KCNH7: variants seen among roughly 807,000 people sequenced by gnomAD.
KCNH7 encodes potassium voltage-gated channel subfamily H member 7.
KCNH7 carries 49 observed loss-of-function variants against 120.8 expected under a neutral mutation model. That is an observed-to-expected ratio of 0.41 (90% CI 0.32 to 0.51). The LOEUF (loss-of-function observed/expected upper bound fraction) is 0.51, where lower values mean the gene tolerates loss of function less well. KCNH7 is among the 20% of genes least tolerant of loss of function. The probability of loss-of-function intolerance (pLI) is 0.38; values close to 1 mark genes in which losing one functional copy is unlikely to be tolerated. For synonymous variants in KCNH7, 547 were observed against 516.1 expected, an observed-to-expected ratio of 1.06 and a Z score of -0.81; for missense variants, 1,097 against 1,446.6, an observed-to-expected ratio of 0.76 and a Z score of 3.92.
chr2:162,495,015 T>C (rs1690449563), intron 6 of KCNH7, among the ~76,000 whole-genome samples: 1 of 152,232 alleles, frequency 6.6e-6, no homozygotes, highest in South Asian at 2.1e-4. Flanking sequence ...GCTATACTCC[T>C]GTGAACAAAA....
intron 6 of KCNH7, among the ~76,000 whole-genome samples, chr2:162,498,956 T>A (rs947538727): frequency 2.0e-5 from 3 of 152,098 alleles, no homozygotes; most frequent in African/African-American, 7.2e-5. Context: ...CTTTCATTTT[T>A]TTGCTTAAAG....
intron 4 of KCNH7, among the ~76,000 whole-genome samples, chr2:162,516,130 A>T (rs1296128270): frequency 6.6e-6 from 1 of 151,914 alleles, no homozygotes; most frequent in East Asian, 2.0e-4. Context: ...GAAGTAGACA[A>T]TTGTGCTAGA....
chr2:162,378,494 T>C (rs1686292945), intron 14 of KCNH7, among the ~76,000 whole-genome samples: 1 of 152,200 alleles, frequency 6.6e-6, no homozygotes, highest in African/African-American at 2.4e-5. Context: ...TAGTTTGTGA[T>C]ATAGGCAAAA....
chr2:162,724,596 C>T (rs1363239075), intron 2 of KCNH7, among the ~76,000 whole-genome samples: 2 of 147,894 alleles, frequency 1.4e-5, no homozygotes, highest in Non-Finnish European at 1.5e-5. Flanking sequence ...GGCGTGAACC[C>T]GGGAGGCGGA....
rs558731574 is a variant in KCNH7, at chr2:162,782,787, C to A, written c.307+53750G>T. The stretch of plus-strand genomic sequence containing the variant: ...GCTGAAGCATCCTCACCAAGGCCAT[C>A]CATGGAACAGGCATCAATAGCCTGT... On this transcript the variant is annotated intron_variant, in intron 2 of 15. Transcript: ENST00000332142. Among the ~76,000 whole-genome samples, 6 of 152,278 alleles carry A rather than the reference C, an allele frequency of 3.9e-5. No homozygotes were observed. The South Asian group carries it at 1.0e-3, about 26-fold the overall frequency.
chr2:162,792,116 G>A (rs1683967782), intron 2 of KCNH7, among the ~76,000 whole-genome samples: 1 of 152,066 alleles, frequency 6.6e-6, no homozygotes, highest in Non-Finnish European at 1.5e-5. Flanking sequence ...AACCAAACTT[G>A]CATCCCAGGG....
chr2:162,615,177 G>A (rs537360661), intron 2 of KCNH7, among the ~76,000 whole-genome samples: 2 of 152,188 alleles, frequency 1.3e-5, no homozygotes, highest in African/African-American at 2.4e-5. Context: ...ACCTCTGCAC[G>A]AAGTGTTTTC....
intron 2 of KCNH7, among the ~76,000 whole-genome samples, chr2:162,644,042 C>A (rs1439135330): frequency 6.6e-6 from 1 of 151,968 alleles, no homozygotes; most frequent in Non-Finnish European, 1.5e-5. Flanking sequence ...TCTTAACTAT[C>A]TTTTCTGTGG....
intron 7 of KCNH7, among the ~76,000 whole-genome samples, chr2:162,438,300 T>C (rs1688316198): frequency 6.6e-6 from 1 of 152,166 alleles, no homozygotes; most frequent in Non-Finnish European, 1.5e-5. Context: ...GCAACCTTCC[T>C]TTTTGCCTTC....
intron 5 of KCNH7, among the ~76,000 whole-genome samples, chr2:162,508,927 T>C (rs1690974763): frequency 1.3e-5 from 2 of 151,452 alleles, no homozygotes; most frequent in Admixed American, 6.6e-5. Flanking sequence ...TAGAAAGTCA[T>C]GTAAAACGCA....
At chr2:162,563,933 C>A (rs1472529311) in intron 2 of KCNH7, among the ~76,000 whole-genome samples, 2 of 152,126 alleles carry the variant, frequency 1.3e-5, no homozygotes, top group East Asian at 3.9e-4. Context: ...CAATAAAACT[C>A]ACAGCTCTTC....
At chr2:162,738,744 A>G (rs1480585234) in intron 2 of KCNH7, among the ~76,000 whole-genome samples, 1 of 152,240 alleles carries the variant, frequency 6.6e-6, no homozygotes, top group Non-Finnish European at 1.5e-5. Context: ...CACCTACTTC[A>G]TCTGGGCTCC....
intron 2 of KCNH7, among the ~76,000 whole-genome samples, chr2:162,819,573 T>C (rs1460983037): frequency 6.6e-6 from 1 of 152,222 alleles, no homozygotes; most frequent in Admixed American, 6.5e-5. Context: ...TAAATTTAGG[T>C]ATATGGATCA....
Position 162,514,020 on chromosome 2 carries a change from C to T in KCNH7, c.893-1346G>A, listed in dbSNP as rs149174273. On this transcript the variant is annotated intron_variant, in intron 4 of 15. Coordinates refer to ENST00000332142, the MANE Select transcript of KCNH7 (RefSeq NM_033272.4). ...ATGAAACACACTTGCTTAAAATAAA[C>T]GTCACTGTCATATCAAAACCATTCA... Among the ~76,000 whole-genome samples, 531 of 151,792 alleles carry T rather than the reference C, an allele frequency of 3.5e-3. 3 individuals are homozygous for T. Among genetic ancestry groups the T allele is most frequent in the African/African-American group, 0.012 (514 of 41,474 alleles).
intron 2 of KCNH7, among the ~76,000 whole-genome samples, chr2:162,727,506 T>G (rs1687574063): frequency 6.6e-6 from 1 of 152,158 alleles, no homozygotes; most frequent in Non-Finnish European, 1.5e-5. Flanking sequence ...CTACCCATAG[T>G]CCCAGACGTT....
intron 2 of KCNH7, among the ~76,000 whole-genome samples, chr2:162,762,713 A>G (rs1401385976): frequency 6.6e-6 from 1 of 152,096 alleles, no homozygotes; most frequent in African/African-American, 2.4e-5. Flanking sequence ...TAGTGTCAGT[A>G]TATGCCTCAT....
At chr2:162,739,689 T>G (rs773782259) in intron 2 of KCNH7, among the ~76,000 whole-genome samples, 14 of 152,168 alleles carry the variant, frequency 9.2e-5, no homozygotes, top group Non-Finnish European at 2.1e-4. Context: ...TGGGAGGGTC[T>G]CCTCAAAATA....
At chr2:162,804,172 C>G (rs541957118) in intron 2 of KCNH7, among the ~76,000 whole-genome samples, 2 of 151,878 alleles carry the variant, frequency 1.3e-5, no homozygotes, top group East Asian at 1.9e-4. Flanking sequence ...TCCCTAAGAA[C>G]AGAAACAAGA....
intron 2 of KCNH7, among the ~76,000 whole-genome samples, chr2:162,649,729 A>G (rs1411573218): frequency 1.3e-5 from 2 of 152,136 alleles, no homozygotes; most frequent in Non-Finnish European, 2.9e-5. Context: ...GAATTTTCAG[A>G]GGTTATTTTC....
Sources: allele counts gnomAD v4.1 joint callset (sites outside exome capture counted in the v4.1 genomes callset), GRCh38; gene constraint gnomAD v4.1.1; transcripts MANE v1.5; gene names NCBI Gene and HGNC (gene_info 2026-07-23, HGNC 2026-07-21).